Variants in TLE2 observed in about 807,000 individuals in gnomAD.
The protein encoded by TLE2 is transducin-like enhancer protein 2.
A neutral mutation model predicts 97.2 loss-of-function variants in TLE2; 74 were observed. The ratio of observed to expected loss-of-function variants is 0.76; its 90% confidence interval spans 0.63 to 0.92. TLE2 has a LOEUF of 0.92. Ranked by LOEUF, TLE2 falls within the 40% of genes least tolerant of loss-of-function variation. TLE2 has a pLI of 0.00. For missense variants in TLE2, 1,038 were observed against 1,008.7 expected (o/e 1.03, Z -0.39); for synonymous variants, 499 against 432.1 (o/e 1.15, Z -1.92).
Position 3,027,809 on chromosome 19 carries a change from C to T in TLE2, c.231+20G>A, listed in dbSNP as rs976398649. On this transcript the variant is annotated intron_variant, in intron 4 of 19. Transcript: ENST00000262953. ...ACCCCCACCCTCCCTCCTGAACACG[C>T]GTAACCCCAACCCAGTTACCTGCTT... is the stretch of plus-strand genomic sequence containing the variant. 3.1e-6 allele frequency: 5 copies of T among 1,609,206 alleles called. No homozygotes were observed. Among genetic ancestry groups the T allele is most frequent in the South Asian group, 1.1e-5 (1 of 89,544 alleles).
intron 19 of TLE2, 88 bp downstream of exon 19, chr19:3,000,559 G>A (rs113268472): frequency 2.4e-6 from 3 of 1,240,202 alleles, no homozygotes; most frequent in Admixed American, 2.0e-5. Context: ...GGACCTGGGG[G>A]ACAGGGACAG....
Position 3,006,521 on chromosome 19 carries a change from C to T in TLE2, c.1399G>A (p.Gly467Ser). ...GEVVCAVTIS[G>S]STQHVYTGGK... ...CCCGTGTACACATGCTGTGTGGAGCCGCTGATGGTGACCGCGCAGACCACC... is the reference window on the plus strand; with the variant it reads ...CCCGTGTACACATGCTGTGTGGAGCTGCTGATGGTGACCGCGCAGACCACC... The change falls in exon 15 of 20, where the codon GGC becomes AGC. Residue 467 changes from glycine (G) to serine (S), a missense_variant. Gly to Ser is a moderately conservative substitution (Grantham distance 56, BLOSUM62 0). Transcript: ENST00000262953. 10 of 1,608,056 alleles carry T rather than the reference C, an allele frequency of 6.2e-6. No homozygotes were observed. Among genetic ancestry groups the T allele is most frequent in the Non-Finnish European group, 8.5e-6 (10 of 1,178,232 alleles).
intron 14 of TLE2, 24 bp downstream of exon 14, chr19:3,008,844 CA>C (rs1568235110): frequency 6.6e-7 from 1 of 1,521,384 alleles, no homozygotes; most frequent in Non-Finnish European, 8.8e-7. Context: ...GGACCCCAGG[CA>C]GGGAGCCCCA....
intron 5 of TLE2, among the ~76,000 whole-genome samples, chr19:3,023,720 C>T (rs1459529740): frequency 1.3e-5 from 2 of 151,924 alleles, no homozygotes; most frequent in African/African-American, 4.8e-5. Context: ...TAGGGAGACC[C>T]GTCTCTACTA....
At chr19:3,004,580 A>C (rs895739877) in intron 17 of TLE2, among the ~76,000 whole-genome samples, 2 of 148,666 alleles carry the variant, frequency 1.3e-5, no homozygotes, top group Non-Finnish European at 3.0e-5. Flanking sequence ...CGCAGGTTGC[A>C]GGGAGCTGAG....
Position 3,028,334 on chromosome 19 carries a change from C to A in TLE2, c.171G>T (p.Gln57His). The A allele has an allele frequency of 1.2e-6, 2 of 1,609,766 alleles. No homozygotes were observed. The highest frequency in any genetic ancestry group is 1.7e-6 in the Non-Finnish European group (2 of 1,178,016). Residue 57 changes from glutamine to histidine, a missense_variant, in exon 3 of 20, where the codon CAG (glutamine) becomes CAT (histidine). Physicochemically the swap from Gln to His is conservative, Grantham distance 24. Coordinates refer to ENST00000262953, the MANE Select transcript of TLE2 (RefSeq NM_003260.5). ...EKLASEKTEM[Q>H]RHYVMYYEMS... ...GTGCCCTCACCATGACATAATGTCG[C>A]TGCATTTCCGTCTTCTCGCTGGCCA...
At chr19:3,021,088 CAAAAAAAAAA>C (rs34363860) in intron 5 of TLE2, among the ~76,000 whole-genome samples, 1 of 15,486 alleles carries the variant, frequency 6.5e-5, no homozygotes, top group Non-Finnish European at 1.1e-4. Flanking sequence ...GACCCAGTCT[CAAAAAAAAAA>C]AAAAAAAAAA....
upstream of TLE2, chr19:3,029,302 C>T (rs932755921): frequency 3.9e-5 from 8 of 203,698 alleles, no homozygotes; most frequent in African/African-American, 1.9e-4. Context: ...GGCTGAGCCG[C>T]CTTAAGGTGG....
chr19:3,035,689 C>T (rs1486169137), intron 1 of TLE2, among the ~76,000 whole-genome samples: 2 of 152,186 alleles, frequency 1.3e-5, no homozygotes, highest in African/African-American at 4.8e-5. Context: ...GACGCTCCCA[C>T]ATGGGTCAGT....
chr19:3,017,635 T>C (rs2089740977), intron 8 of TLE2, among the ~76,000 whole-genome samples: 1 of 151,614 alleles, frequency 6.6e-6, no homozygotes, highest in East Asian at 1.9e-4. Flanking sequence ...TATTTTTCTG[T>C]AGAGACGGGG....
upstream of TLE2, among the ~76,000 whole-genome samples, chr19:3,031,934 T>G (rs539853052): frequency 3.9e-5 from 6 of 152,250 alleles, no homozygotes; most frequent in East Asian, 1.2e-3. Context: ...TTTGTTTTTG[T>G]TTTTGTTTTT....
intron 4 of TLE2, 84 bp from the exon 5 acceptor site, chr19:3,025,166 G>C: frequency 7.2e-7 from 1 of 1,387,412 alleles, no homozygotes; most frequent in Admixed American, 2.3e-5. Context: ...CCAGGTGTTG[G>C]CAAAGCCGAA....
intron 15 of TLE2, 127 bp downstream of exon 15, chr19:3,006,293 C>T (rs2089475543): frequency 7.1e-7 from 1 of 1,413,136 alleles, no homozygotes; most frequent in Non-Finnish European, 9.6e-7. Flanking sequence ...GAGCTCCGCC[C>T]CTCACCTATA....
rs1599230818 is a variant in TLE2 at position 3,020,015 on chromosome 19, G to A, written c.295-242C>T. ...GTTACAAATCAGGCCGGGCATGGTG[G>A]CTCACGCCTGGAATCCCAGCGCTTT... is the stretch of plus-strand genomic sequence containing the variant. On this transcript the variant is annotated intron_variant, in intron 5 of 19. Transcript: ENST00000262953. The A allele has an allele frequency of 9.0e-6, 5 of 558,496 alleles. No homozygotes were observed. The East Asian group carries it at 1.6e-4, about 18-fold the overall frequency. 34.6% of individuals were successfully genotyped at this position (558,496 alleles called of 1,614,324 possible). A position where few individuals can be genotyped will look rare whatever the true frequency, so the allele number is the denominator to read the frequency against.
intron 5 of TLE2, among the ~76,000 whole-genome samples, chr19:3,020,928 A>C (rs1206252254): frequency 6.6e-6 from 1 of 151,612 alleles, no homozygotes; most frequent in Non-Finnish European, 1.5e-5. Context: ...TCTACTAAAA[A>C]TACAAAAAAA....
chr19:2,997,764 T>C lies in TLE2; in HGVS notation c.*84A>G. ...GGGATGTACGGTTCCTAGGCAGGGC[T>C]GGGAGGCGGCTGCTAGGATGTCTGT... is the stretch of plus-strand genomic sequence containing the variant. On this transcript the variant is annotated 3_prime_UTR_variant, in exon 20 of 20. Transcript: ENST00000262953. 1 of 980,004 alleles carries C rather than the reference T, an allele frequency of 1.0e-6. No homozygotes were observed. The highest frequency in any genetic ancestry group is 1.6e-6 in the Non-Finnish European group (1 of 629,354). 60.7% of individuals were successfully genotyped at this position (980,004 alleles called of 1,614,324 possible). A position where few individuals can be genotyped will look rare whatever the true frequency, so the allele number is the denominator to read the frequency against.
upstream of TLE2, among the ~76,000 whole-genome samples, chr19:3,032,236 G>GT (rs895558167): frequency 2.0e-5 from 3 of 148,622 alleles, no homozygotes; most frequent in African/African-American, 7.5e-5. This position sits in a 1 kb window ranked among gnomAD's most constrained non-coding sequence, Gnocchi z 4.1. Context: ...CTGGCCTTCG[G>GT]TTTTTTTGTT....
rs377531626 is a variant in TLE2, at chr19:3,019,391, C to T, written c.442G>A (p.Gly148Ser). The T allele has an allele frequency of 2.0e-4, 315 of 1,544,436 alleles. 3 individuals carry two copies. The African/African-American group carries it at 2.5e-3, about 12-fold the overall frequency. The stretch of plus-strand genomic sequence containing the variant: ...AGAGCAAGCAGCCCCGTAGCACTGC[C>T]GCCCACCAGCCCGGCTGGGCGGGGG... ...LTPRPAGLVG[G>S]SATGLLALSG... Residue 148 changes from glycine (G) to serine (S), a missense_variant, in exon 7 of 20, where the codon GGC becomes AGC. By Grantham distance (56) the Gly-to-Ser change is moderately conservative. Coordinates refer to ENST00000262953, the MANE Select transcript of TLE2 (RefSeq NM_003260.5). This position sits in a 1 kb window ranked among gnomAD's most constrained non-coding sequence, Gnocchi z 5.1.
At position 3,019,087 on chromosome 19, in the gene TLE2, G is replaced by A. The variant is rs1368656482; in HGVS notation, c.550+196C>T. ...CAAATTTTTAAATTTTTGTAGAGAC[G>A]GGGTCTCGCTCTGTTGCCCAGGCTG... is the stretch of plus-strand genomic sequence containing the variant. On this transcript the variant is annotated intron_variant, in intron 7 of 19. Transcript: ENST00000262953. The surrounding 1 kb of genome is among the most constrained non-coding windows in gnomAD (Gnocchi z 5.1). Among the ~76,000 whole-genome samples, 4 of 151,986 alleles carry A rather than the reference G, an allele frequency of 2.6e-5. No homozygotes were observed. Among genetic ancestry groups the A allele is most frequent in the East Asian group, 3.9e-4 (2 of 5,170 alleles).
Sources: allele counts gnomAD v4.1 joint callset (sites outside exome capture counted in the v4.1 genomes callset), GRCh38; gene constraint gnomAD v4.1.1; non-coding constraint Gnocchi (gnomAD v3.1); transcripts MANE v1.5; gene names NCBI Gene and HGNC (gene_info 2026-07-23, HGNC 2026-07-21).